GNB4: variants seen among roughly 807,000 people sequenced by gnomAD.
GNB4 encodes guanine nucleotide-binding protein subunit beta-4.
GNB4 carries 28 observed loss-of-function variants against 45.2 expected under a neutral mutation model. The observed-to-expected ratio is 0.62, with a 90% CI of 0.46 to 0.85. GNB4 has a LOEUF of 0.85. GNB4 is among the 40% of genes least tolerant of loss of function. The probability of loss-of-function intolerance (pLI) is 0.00; values close to 1 mark genes in which losing one functional copy is unlikely to be tolerated. For missense variants in GNB4, 321 were observed against 425.4 expected (o/e 0.75, Z 2.16); for synonymous variants, 132 against 143.7 (o/e 0.92, Z 0.58).
the GNB4 span, among the ~76,000 whole-genome samples, chr3:179,459,283 C>T: frequency 1.3e-5 from 2 of 152,156 alleles, no homozygotes; most frequent in Non-Finnish European, 2.9e-5. Context: ...GCAGCCCCTG[C>T]GACTCTCCTA....
Position 179,413,209 on chromosome 3 carries a change from C to A in GNB4, c.699+203G>T, listed in dbSNP as rs561359415. On this transcript the variant is annotated intron_variant, in intron 8 of 9. Coordinates refer to ENST00000232564, the MANE Select transcript of GNB4 (RefSeq NM_021629.4). ...AAAAAAATAACAACAAAAAAAAATC[C>A]AACAATAACAAAAAAGATCTAGGAC... Among the ~76,000 whole-genome samples the A allele has an allele frequency of 3.3e-5, 5 of 151,910 alleles. No individual in the cohort carries two copies. The South Asian group carries it at 1.0e-3, about 32-fold the overall frequency.
chr3:179,520,201 C>T, the GNB4 span, among the ~76,000 whole-genome samples: 40,330 of 120,670 alleles, frequency 0.33, 7,504 homozygotes, highest in East Asian at 0.57. Context: ...CTCAGCAAAT[C>T]ACCTGGGCTG....
chr3:179,485,000 G>GTTTT, the GNB4 span, among the ~76,000 whole-genome samples: 6 of 124,210 alleles, frequency 4.8e-5, no homozygotes, highest in African/African-American at 1.6e-4. Context: ...AACTTTTTTC[G>GTTTT]TTTTGTTTTT....
chr3:179,502,023 A>G, the GNB4 span, among the ~76,000 whole-genome samples: 1 of 152,138 alleles, frequency 6.6e-6, no homozygotes, highest in Non-Finnish European at 1.5e-5. Flanking sequence ...AAAAATCCCC[A>G]TTAGTATACG....
the GNB4 span, among the ~76,000 whole-genome samples, chr3:179,492,215 G>A: frequency 6.6e-6 from 1 of 152,148 alleles, no homozygotes; most frequent in South Asian, 2.1e-4. Context: ...GACACCTGTA[G>A]CCTTCACCAG....
the GNB4 span, among the ~76,000 whole-genome samples, chr3:179,495,562 AAG>A: frequency 6.7e-6 from 1 of 150,200 alleles, no homozygotes. Context: ...AAAGAAAAGA[AAG>A]AAAGAGAAAG....
At chr3:179,469,652 A>C in the GNB4 span, among the ~76,000 whole-genome samples, 1 of 152,188 alleles carries the variant, frequency 6.6e-6, no homozygotes, top group Non-Finnish European at 1.5e-5. Context: ...TTATAAGCAC[A>C]TTAAAGCTTG....
the GNB4 span, among the ~76,000 whole-genome samples, chr3:179,520,602 T>C: frequency 5.9e-5 from 9 of 152,186 alleles, no homozygotes; most frequent in African/African-American, 2.2e-4. Context: ...AGAATCTATT[T>C]TCTTCCTCCC....
the GNB4 span, among the ~76,000 whole-genome samples, chr3:179,515,840 C>G: frequency 5.9e-5 from 9 of 152,072 alleles, no homozygotes; most frequent in South Asian, 1.5e-3. Context: ...GCATGGGAAC[C>G]TAGAGTGGGA....
rs190964910 is a variant in GNB4 at position 179,430,378 on chromosome 3, C to T, written c.-42-4136G>A. Among the ~76,000 whole-genome samples the T allele has an allele frequency of 1.7e-3, 256 of 152,280 alleles. 2 individuals carry two copies. The highest frequency in any genetic ancestry group is 5.7e-3 in the African/African-American group (238 of 41,546). ...GTGCTGGGATTATAGGCATAAGTCA[C>T]TGTACCTGGCCCTTCCTTTCTCTTA... On this transcript the variant is annotated intron_variant, in intron 1 of 9. Coordinates refer to ENST00000232564, the MANE Select transcript of GNB4 (RefSeq NM_021629.4).
intron 9 of GNB4, among the ~76,000 whole-genome samples, chr3:179,401,969 GAA>G (rs1158631945): frequency 6.6e-6 from 1 of 151,672 alleles, no homozygotes; most frequent in Non-Finnish European, 1.5e-5. Context: ...AGATTAATAA[GAA>G]AAATTAGAAT....
the GNB4 span, among the ~76,000 whole-genome samples, chr3:179,500,004 C>G: frequency 2.1e-4 from 32 of 152,082 alleles, no homozygotes; most frequent in Admixed American, 1.9e-3. Context: ...GAATAGATTG[C>G]AAAAAAATTT....
the GNB4 span, among the ~76,000 whole-genome samples, chr3:179,497,683 T>C: frequency 6.8e-6 from 1 of 146,046 alleles, no homozygotes. Context: ...TTACTGAGCA[T>C]ACAACTCAGT....
the GNB4 span, among the ~76,000 whole-genome samples, chr3:179,470,623 C>A: frequency 1.3e-5 from 2 of 151,740 alleles, no homozygotes; most frequent in Non-Finnish European, 2.9e-5. Context: ...CTGCTCACTG[C>A]AACCTCTGCC....
the GNB4 span, among the ~76,000 whole-genome samples, chr3:179,525,893 A>G: frequency 6.6e-6 from 1 of 152,076 alleles, no homozygotes; most frequent in Non-Finnish European, 1.5e-5. Flanking sequence ...CTCCTCATGG[A>G]GTGAGGGTGA....
chr3:179,481,793 G>A, the GNB4 span, among the ~76,000 whole-genome samples: 19,989 of 152,146 alleles, frequency 0.13, 1,484 homozygotes, highest in Admixed American at 0.18. Context: ...AAACAAAGTC[G>A]ACGTGATTCA....
At chr3:179,467,706 A>T in the GNB4 span, among the ~76,000 whole-genome samples, 1 of 152,190 alleles carries the variant, frequency 6.6e-6, no homozygotes, top group Non-Finnish European at 1.5e-5. Context: ...CATTAAATAA[A>T]CATGGTTGGT....
intron 8 of GNB4, among the ~76,000 whole-genome samples, chr3:179,411,922 C>G (rs1480282080): frequency 1.3e-5 from 2 of 152,146 alleles, no homozygotes; most frequent in Admixed American, 6.5e-5. Context: ...CATATCTGTA[C>G]TGTTTGGCAT....
chr3:179,420,838 C>G (rs780393126), intron 3 of GNB4, 51 bp downstream of exon 3: 2 of 1,171,750 alleles, frequency 1.7e-6, no homozygotes, highest in Non-Finnish European at 2.5e-6. Flanking sequence ...GCCTCTATGT[C>G]AAATTATTTT....
Sources: gnomAD v4.1 joint callset for allele counts (sites outside exome capture counted in the v4.1 genomes callset) on GRCh38, gnomAD v4.1.1 for gene constraint, MANE v1.5 for transcripts, NCBI Gene and HGNC (gene_info 2026-07-23, HGNC 2026-07-21) for gene names.